Variants in R3HCC1L observed in about 807,000 individuals in gnomAD.
R3HCC1L encodes coiled-coil domain-containing protein R3HCC1L.
R3HCC1L carries 51 observed loss-of-function variants against 59.9 expected under a neutral mutation model. That is an observed-to-expected ratio of 0.85 (90% CI 0.68 to 1.07). The LOEUF (loss-of-function observed/expected upper bound fraction) is 1.07, where lower values mean the gene tolerates loss of function less well. Ranked by LOEUF, R3HCC1L falls within the 50% of genes least tolerant of loss-of-function variation. R3HCC1L has a pLI of 0.00. For synonymous variants in R3HCC1L, 322 were observed against 315.2 expected (o/e 1.02, Z -0.23); for missense variants, 965 against 933.0 (o/e 1.03, Z -0.45).
chr10:98,170,877 G>C (rs1300617403), intron 4 of R3HCC1L, among the ~76,000 whole-genome samples: 1 of 152,144 alleles, frequency 6.6e-6, no homozygotes, highest in African/African-American at 2.4e-5. Context: ...GTAGGGCTGG[G>C]GCAGATACTA....
At chr10:98,188,091 A>G (rs1850426574) in intron 4 of R3HCC1L, among the ~76,000 whole-genome samples, 1 of 152,144 alleles carries the variant, frequency 6.6e-6, no homozygotes, top group Non-Finnish European at 1.5e-5. Flanking sequence ...TTTTACACAC[A>G]CACACACACA....
intron 4 of R3HCC1L, among the ~76,000 whole-genome samples, chr10:98,172,289 G>A (rs1848592413): frequency 6.6e-6 from 1 of 152,200 alleles, no homozygotes; most frequent in Non-Finnish European, 1.5e-5. Flanking sequence ...AGCTTTTCAA[G>A]TAGCTGCTAG....
At position 98,154,952 on chromosome 10, in the gene R3HCC1L, T is replaced by C. The variant is rs117125355; in HGVS notation, c.-267-1141T>C. On this transcript the variant is annotated intron_variant, in intron 1 of 9. Transcript: ENST00000298999. ...CCGTATATATACGTATGTATGTGTT[T>C]ATGTGCATGTGTGTGTATACATCCC... is the stretch of plus-strand genomic sequence containing the variant. 4.2e-3 allele frequency among the ~76,000 whole-genome samples: 637 copies of C among 152,354 alleles called. 29 individuals are homozygous for C. The East Asian group carries it at 0.097, about 23-fold the overall frequency.
chr10:98,219,982 T>TA (rs1216427381), intron 5 of R3HCC1L, among the ~76,000 whole-genome samples: 1 of 152,220 alleles, frequency 6.6e-6, no homozygotes, highest in African/African-American at 2.4e-5. Flanking sequence ...TTTGTGCCTT[T>TA]AGCCATCTCT....
chr10:98,165,285 AC>A (rs1445134206), intron 4 of R3HCC1L, among the ~76,000 whole-genome samples: 1 of 152,120 alleles, frequency 6.6e-6, no homozygotes. Flanking sequence ...ATAACAAAAA[AC>A]CCTGTAAGGT....
At chr10:98,140,374 G>A (rs1052001170) in intron 1 of R3HCC1L, among the ~76,000 whole-genome samples, 5 of 152,098 alleles carry the variant, frequency 3.3e-5, no homozygotes, top group African/African-American at 9.7e-5. Context: ...GGGGAGAGAC[G>A]GAAAGGCAGA....
chr10:98,233,609 G>C (rs914101025), intron 6 of R3HCC1L, among the ~76,000 whole-genome samples: 4 of 152,134 alleles, frequency 2.6e-5, no homozygotes, highest in African/African-American at 4.8e-5. Context: ...AGGGTCTCAA[G>C]GTGGCAGAAC....
At chr10:98,177,139 T>G (rs1435661103) in intron 4 of R3HCC1L, among the ~76,000 whole-genome samples, 1 of 152,264 alleles carries the variant, frequency 6.6e-6, no homozygotes, top group East Asian at 1.9e-4. Flanking sequence ...CATTAACTCA[T>G]CATTTACATT....
intron 9 of R3HCC1L, among the ~76,000 whole-genome samples, chr10:98,240,547 C>T (rs575901546): frequency 1.7e-4 from 26 of 152,316 alleles, no homozygotes; most frequent in African/African-American, 6.3e-4. Flanking sequence ...GGGTCACAAG[C>T]CTGAAAGGCA....
chr10:98,143,886 C>T lies in R3HCC1L; in HGVS notation c.-268+9180C>T, dbSNP rs371590647. Among the ~76,000 whole-genome samples the T allele has an allele frequency of 7.2e-5, 11 of 152,248 alleles. No homozygotes were observed. The South Asian group carries it at 1.2e-3, about 17-fold the overall frequency. Reference sequence around the variant, plus strand: ...GAAAATACAACCATATTTTCACCACCTTGAAGTAACTGTTAACATTGGGGT... The same window carrying T: ...GAAAATACAACCATATTTTCACCACTTTGAAGTAACTGTTAACATTGGGGT... On this transcript the variant is annotated intron_variant, in intron 1 of 9. Coordinates refer to ENST00000298999, the MANE Select transcript of R3HCC1L (RefSeq NM_001351015.2).
In R3HCC1L at chr10:98,231,720, G is replaced by T. The variant is rs765211814; in HGVS notation, c.1961+33G>T. 2.6e-6 allele frequency: 4 copies of T among 1,527,586 alleles called. No homozygotes were observed. In the South Asian group the frequency reaches 4.9e-5, roughly 19 times the overall value. 94.6% of individuals were successfully genotyped at this position (1,527,586 alleles called of 1,614,324 possible). A position where few individuals can be genotyped will look rare whatever the true frequency, so the allele number is the denominator to read the frequency against. On this transcript the variant is annotated intron_variant, in intron 6 of 9. Transcript: ENST00000298999. ...TGCAAATGATTGTGGATGTTAGGGA[G>T]GGTGAGATGAAGTCTTTAAAAAATG...
At chr10:98,156,818 T>A (rs1024799005) in intron 2 of R3HCC1L, among the ~76,000 whole-genome samples, 2 of 152,238 alleles carry the variant, frequency 1.3e-5, no homozygotes, top group Admixed American at 1.3e-4. Flanking sequence ...GTAAGTTGTT[T>A]TTACAATCGA....
rs1468346085 is a variant in R3HCC1L, at chr10:98,244,354, AC to A, written c.*199del. ...CTCCTAAATGCAGTTCTTTGGAATC[AC>A]CCTACTGTGGTGGGCGTAGTAGGGA... On this transcript the variant is annotated 3_prime_UTR_variant, in exon 10 of 10. Transcript: ENST00000298999. 5.8e-6 allele frequency: 3 copies of A among 517,660 alleles called. No homozygotes were observed. Among genetic ancestry groups the A allele is most frequent in the Non-Finnish European group, 6.9e-6 (2 of 290,502 alleles). 32.1% of individuals were successfully genotyped at this position (517,660 alleles called of 1,614,324 possible).
chr10:98,231,010 T>C, intron 5 of R3HCC1L: 1 of 419,002 alleles, frequency 2.4e-6, no homozygotes, highest in South Asian at 1.8e-5. Context: ...GTAAGCTGTC[T>C]CCTCACCCTT....
intron 1 of R3HCC1L, among the ~76,000 whole-genome samples, chr10:98,147,003 C>CT (rs1326816507): frequency 6.6e-6 from 1 of 152,102 alleles, no homozygotes; most frequent in African/African-American, 2.4e-5. Context: ...CATAGTGGCT[C>CT]TATTAATTTA....
At chr10:98,243,218 T>C (rs1857735359) in intron 9 of R3HCC1L, among the ~76,000 whole-genome samples, 1 of 152,218 alleles carries the variant, frequency 6.6e-6, no homozygotes, top group African/African-American at 2.4e-5. Context: ...TCTCCCTGGT[T>C]CATGACTTGC....
At chr10:98,193,630 A>C (rs1186849489) in intron 4 of R3HCC1L, among the ~76,000 whole-genome samples, 1 of 152,178 alleles carries the variant, frequency 6.6e-6, no homozygotes, top group Non-Finnish European at 1.5e-5. Context: ...GAAAGACATA[A>C]ATTGGTATTA....
chr10:98,218,760 TGA>T (rs1854515885), intron 5 of R3HCC1L, among the ~76,000 whole-genome samples: 1 of 152,214 alleles, frequency 6.6e-6, no homozygotes, highest in African/African-American at 2.4e-5. Context: ...TGTCCAATGC[TGA>T]GAGTGGGATG....
At chr10:98,173,923 G>T (rs139040365) in intron 4 of R3HCC1L, among the ~76,000 whole-genome samples, 6 of 152,298 alleles carry the variant, frequency 3.9e-5, no homozygotes, top group African/African-American at 9.6e-5. Flanking sequence ...GGGCAGAGAA[G>T]TGTCTGTGAG....
Sources: gnomAD v4.1 joint callset for allele counts (sites outside exome capture counted in the v4.1 genomes callset) on GRCh38, gnomAD v4.1.1 for gene constraint, MANE v1.5 for transcripts, NCBI Gene and HGNC (gene_info 2026-07-23, HGNC 2026-07-21) for gene names.